Variants in SHISAL1 observed in about 807,000 individuals in gnomAD.
SHISAL1 encodes shisa like 1.
Under a neutral mutation model 22.6 loss-of-function variants are expected in SHISAL1, and 9 were observed. The observed-to-expected ratio is 0.40, with a 90% CI of 0.24 to 0.70. SHISAL1 has a LOEUF of 0.70. SHISAL1 is among the 30% of genes least tolerant of loss of function. The pLI is 0.39. For missense variants in SHISAL1, 246 were observed against 270.6 expected (o/e 0.91, Z 0.64); for synonymous variants, 119 against 115.4 (o/e 1.03, Z -0.20).
chr22:44,289,595 G>A (rs2055339362), intron 3 of SHISAL1, among the ~76,000 whole-genome samples: 1 of 152,150 alleles, frequency 6.6e-6, no homozygotes, highest in South Asian at 2.1e-4. Context: ...GGGAAGGGAG[G>A]GGCCTGCCTG....
chr22:44,300,787 C>G, intron 2 of SHISAL1, 92 bp downstream of exon 2: 1 of 1,067,960 alleles, frequency 9.4e-7, no homozygotes, highest in Non-Finnish European at 1.4e-6. Context: ...CCTCTGTGTG[C>G]CCCCAGAACC....
At position 44,287,551 on chromosome 22, in the gene SHISAL1, C is replaced by A. The variant is rs1285050539; in HGVS notation, c.282-1806G>T. On this transcript the variant is annotated intron_variant, in intron 3 of 4. Transcript: ENST00000381176. ...TGCGTCCTTGCTGCCTCCTTGCCCCCACCTCCCAGCCCCCACCACCATGAA... is the reference window on the plus strand; with the variant it reads ...TGCGTCCTTGCTGCCTCCTTGCCCCAACCTCCCAGCCCCCACCACCATGAA... Among the ~76,000 whole-genome samples, 6 of 152,158 alleles carry A rather than the reference C, an allele frequency of 3.9e-5. No individual in the cohort carries two copies. In the South Asian group the frequency reaches 1.2e-3, roughly 31 times the overall value.
At chr22:44,266,725 G>A (rs987195013) in intron 4 of SHISAL1, among the ~76,000 whole-genome samples, 2 of 151,976 alleles carry the variant, frequency 1.3e-5, no homozygotes, top group Admixed American at 6.6e-5. Flanking sequence ...CAAGAAAAAC[G>A]CCACTGGCGA....
intron 4 of SHISAL1, among the ~76,000 whole-genome samples, chr22:44,257,998 G>A (rs567123202): frequency 1.1e-4 from 17 of 152,260 alleles, no homozygotes; most frequent in Non-Finnish European, 2.1e-4. Context: ...AAATAAGCTG[G>A]GCATGGTGGC....
At chr22:44,331,490 C>G in the SHISAL1 span, among the ~76,000 whole-genome samples, 2 of 151,100 alleles carry the variant, frequency 1.3e-5, no homozygotes, top group Non-Finnish European at 3.0e-5. The surrounding 1 kb of genome is among the most constrained non-coding windows in gnomAD (Gnocchi z 5.2). Context: ...CGGGGCTCAG[C>G]TCACCTCGTG....
intron 4 of SHISAL1, among the ~76,000 whole-genome samples, chr22:44,277,458 C>G (rs974734000): frequency 2.1e-5 from 3 of 140,502 alleles, no homozygotes; most frequent in Non-Finnish European, 4.4e-5. Context: ...CCAAACAAAA[C>G]AAAACAAAAC....
intron 4 of SHISAL1, among the ~76,000 whole-genome samples, chr22:44,267,051 T>C (rs1235585426): frequency 2.0e-5 from 3 of 152,086 alleles, no homozygotes; most frequent in Non-Finnish European, 2.9e-5. Flanking sequence ...GGTATGTTGT[T>C]GGAGCCCACG....
intron 4 of SHISAL1, among the ~76,000 whole-genome samples, chr22:44,253,832 C>CTGTG (rs61001074): frequency 0.052 from 7,729 of 149,184 alleles, 384 homozygotes; most frequent in East Asian, 0.18. Flanking sequence ...AATCTAACAA[C>CTGTG]TGTGTGTGTG....
intron 4 of SHISAL1, among the ~76,000 whole-genome samples, chr22:44,281,436 ATGTG>A (rs369094075): frequency 1.3e-5 from 2 of 151,662 alleles, no homozygotes; most frequent in Non-Finnish European, 2.9e-5. Flanking sequence ...GTGAGTGTGT[ATGTG>A]TGTGTGTTTG....
chr22:44,308,049 G>C (rs1488792837), intron 1 of SHISAL1, among the ~76,000 whole-genome samples: 2 of 152,166 alleles, frequency 1.3e-5, no homozygotes, highest in African/African-American at 4.8e-5. Context: ...CTGGGTCTAG[G>C]GCAGCAGGGC....
intron 3 of SHISAL1, among the ~76,000 whole-genome samples, chr22:44,295,819 A>G (rs2055381374): frequency 6.6e-6 from 1 of 152,224 alleles, no homozygotes; most frequent in African/African-American, 2.4e-5. Flanking sequence ...ATAATAGAGA[A>G]ACGCATGCTG....
chr22:44,258,297 ACT>A lies in SHISAL1; in HGVS notation c.*-8614_*-8613del, dbSNP rs138939404. Among the ~76,000 whole-genome samples, 1,291 of 151,496 alleles carry A rather than the reference ACT, an allele frequency of 8.5e-3. 18 individuals are homozygous for A. The highest frequency in any genetic ancestry group is 0.03 in the African/African-American group (1,226 of 41,412). ...ACTCCAGCCTGGGTGGCAGAGCGAG[ACT>A]CTGTCTCAAAAACAAACAAACTTTT... On this transcript the variant is annotated intron_variant, in intron 4 of 4. Coordinates refer to ENST00000381176, the MANE Select transcript of SHISAL1 (RefSeq NM_001099294.2).
At chr22:44,262,769 G>A (rs1040365706) in intron 4 of SHISAL1, among the ~76,000 whole-genome samples, 1 of 152,232 alleles carries the variant, frequency 6.6e-6, no homozygotes, top group Non-Finnish European at 1.5e-5. Flanking sequence ...CAGGAGCAGG[G>A]CCCACGGGGT....
At chr22:44,259,395 G>A (rs934913837) in intron 4 of SHISAL1, among the ~76,000 whole-genome samples, 3 of 151,520 alleles carry the variant, frequency 2.0e-5, no homozygotes, top group African/African-American at 7.3e-5. Context: ...CCGATATCGC[G>A]CCACTGCACT....
intron 4 of SHISAL1, among the ~76,000 whole-genome samples, chr22:44,273,509 A>G (rs2055218802): frequency 6.6e-6 from 1 of 152,364 alleles, no homozygotes; most frequent in East Asian, 1.9e-4. Context: ...CTAATTTGCA[A>G]TAGTGGCTGT....
chr22:44,291,776 C>T (rs1177037037), intron 3 of SHISAL1, among the ~76,000 whole-genome samples: 1 of 152,136 alleles, frequency 6.6e-6, no homozygotes, highest in African/African-American at 2.4e-5. Flanking sequence ...TTTCCCTGTC[C>T]CCAGAGAGAA....
At chr22:44,318,408 A>C in the SHISAL1 span, among the ~76,000 whole-genome samples, 1 of 152,244 alleles carries the variant, frequency 6.6e-6, no homozygotes, top group Non-Finnish European at 1.5e-5. Context: ...AGCAATCGGG[A>C]CTGGGATGGC....
chr22:44,295,931 C>A (rs1378541041), intron 3 of SHISAL1, among the ~76,000 whole-genome samples: 1 of 152,150 alleles, frequency 6.6e-6, no homozygotes, highest in Admixed American at 6.5e-5. Context: ...GGCCCTGATC[C>A]CAATGTATTT....
At chr22:44,326,306 A>G in the SHISAL1 span, among the ~76,000 whole-genome samples, 1 of 152,200 alleles carries the variant, frequency 6.6e-6, no homozygotes, top group African/African-American at 2.4e-5. Flanking sequence ...TGAGCCCATC[A>G]GGCGACAACG....
Sources: allele counts gnomAD v4.1 joint callset (sites outside exome capture counted in the v4.1 genomes callset), GRCh38; gene constraint gnomAD v4.1.1; non-coding constraint Gnocchi (gnomAD v3.1); transcripts MANE v1.5; gene names NCBI Gene and HGNC (gene_info 2026-07-23, HGNC 2026-07-21).